Variants in TENM3 observed in about 807,000 individuals in gnomAD.
TENM3 encodes teneurin transmembrane protein 3.
TENM3 carries 63 observed loss-of-function variants against 255.1 expected under a neutral mutation model. The observed-to-expected ratio is 0.25, with a 90% CI of 0.20 to 0.30. The LOEUF is 0.30. Ranked by LOEUF, TENM3 falls within the 10% of genes least tolerant of loss-of-function variation. The pLI, the probability that TENM3 is intolerant of heterozygous loss-of-function variation, is 1.00. For missense variants in TENM3, 2,929 were observed against 3,461.1 expected (o/e 0.85, Z 3.86); for synonymous variants, 1,306 against 1,322.3 (o/e 0.99, Z 0.27).
chr4:182,397,713 G>T (rs974442085), intron 3 of TENM3, among the ~76,000 whole-genome samples: 2 of 152,256 alleles, frequency 1.3e-5, no homozygotes, highest in African/African-American at 2.4e-5. Context: ...TCAACCTTCG[G>T]TGAGCACGGA....
the TENM3 span, among the ~76,000 whole-genome samples, chr4:181,770,058 G>A: frequency 2.0e-5 from 3 of 152,176 alleles, no homozygotes; most frequent in African/African-American, 7.2e-5. Context: ...CGGGGAAGCG[G>A]TAGAACCCGA....
the TENM3 span, among the ~76,000 whole-genome samples, chr4:181,590,063 G>GT: frequency 3.3e-5 from 5 of 152,242 alleles, no homozygotes; most frequent in Admixed American, 3.3e-4. Flanking sequence ...ATAAGAAAGA[G>GT]GTAGTGAGCA....
intron 1 of TENM3, among the ~76,000 whole-genome samples, chr4:182,269,046 G>T (rs1759441334): frequency 6.6e-6 from 1 of 152,098 alleles, no homozygotes; most frequent in African/African-American, 2.4e-5. Flanking sequence ...TGACAAAGAT[G>T]TTGAATATAT....
intron 1 of TENM3, among the ~76,000 whole-genome samples, chr4:182,204,703 T>G (rs543614813): frequency 6.6e-6 from 1 of 152,334 alleles, no homozygotes; most frequent in African/African-American, 2.4e-5. Context: ...TGCAGATTCC[T>G]GATAGCCTTT....
the TENM3 span, among the ~76,000 whole-genome samples, chr4:181,692,464 A>T: frequency 6.6e-6 from 1 of 152,226 alleles, no homozygotes; most frequent in Non-Finnish European, 1.5e-5. Context: ...AACAAGATGC[A>T]TGTAACTGAG....
intron 3 of TENM3, among the ~76,000 whole-genome samples, chr4:182,588,680 T>A (rs1279948691): frequency 6.6e-6 from 1 of 152,132 alleles, no homozygotes; most frequent in African/African-American, 2.4e-5. Context: ...CACTGAGACA[T>A]TTTAAAGGTA....
chr4:182,380,165 C>T (rs189576734), intron 3 of TENM3, among the ~76,000 whole-genome samples: 314 of 152,068 alleles, frequency 2.1e-3, no homozygotes, highest in African/African-American at 7.1e-3. Flanking sequence ...CGGCTACTCT[C>T]GAGGCTGAGG....
At chr4:182,045,422 C>T in the TENM3 span, among the ~76,000 whole-genome samples, 1 of 150,412 alleles carries the variant, frequency 6.6e-6, no homozygotes, top group African/African-American at 2.5e-5. Context: ...GATTAAGAGG[C>T]TAAATAGATT....
the TENM3 span, among the ~76,000 whole-genome samples, chr4:181,473,997 A>T: frequency 6.6e-6 from 1 of 151,820 alleles, no homozygotes; most frequent in Non-Finnish European, 1.5e-5. Context: ...TAAAAATTTT[A>T]AAATACAAAT....
chr4:182,710,043 TG>T (rs1758635873), intron 12 of TENM3, among the ~76,000 whole-genome samples: 1 of 152,218 alleles, frequency 6.6e-6, no homozygotes, highest in Non-Finnish European at 1.5e-5. Context: ...TCTGATTGGC[TG>T]ATTAGAAATA....
the TENM3 span, among the ~76,000 whole-genome samples, chr4:182,068,919 A>G: frequency 6.6e-6 from 1 of 152,136 alleles, no homozygotes; most frequent in Non-Finnish European, 1.5e-5. Context: ...ATCCTAAAAT[A>G]AAGGTAAATC....
chr4:182,259,201 G>A (rs1351891813), intron 1 of TENM3, among the ~76,000 whole-genome samples: 2 of 152,182 alleles, frequency 1.3e-5, no homozygotes, highest in Non-Finnish European at 2.9e-5. Flanking sequence ...GCTAAGGTAA[G>A]CAGATCTGAC....
chr4:182,240,658 G>A (rs965762737), upstream of TENM3, among the ~76,000 whole-genome samples: 2 of 152,120 alleles, frequency 1.3e-5, no homozygotes, highest in Non-Finnish European at 2.9e-5. Context: ...TGCGAGTCCC[G>A]GCCCTGCAGC....
At chr4:181,893,205 T>C in the TENM3 span, among the ~76,000 whole-genome samples, 5 of 152,152 alleles carry the variant, frequency 3.3e-5, no homozygotes, top group Admixed American at 2.0e-4. Context: ...TAAAAATGAA[T>C]TTAAATGACA....
At chr4:181,843,028 G>A in the TENM3 span, among the ~76,000 whole-genome samples, 1 of 151,906 alleles carries the variant, frequency 6.6e-6, no homozygotes, top group Non-Finnish European at 1.5e-5. Flanking sequence ...TCACTTTTAG[G>A]GACTATATTA....
At position 182,347,439 on chromosome 4, in the gene TENM3, T is replaced by TA. The variant is rs1200187405; in HGVS notation, c.511+511dup. On this transcript the variant is annotated intron_variant, in intron 3 of 27. Transcript: ENST00000511685. ...AGGGCTCTAGTGATTGAAGAACAAA[T>TA]ATGATCATGCTTTAAACTTAAGAGT... is the stretch of plus-strand genomic sequence containing the variant. 3.9e-5 allele frequency among the ~76,000 whole-genome samples: 6 copies of TA among 152,324 alleles called. No homozygotes were observed. The East Asian group carries it at 1.2e-3, about 29-fold the overall frequency.
the TENM3 span, among the ~76,000 whole-genome samples, chr4:181,846,096 G>T: frequency 6.6e-6 from 1 of 152,000 alleles, no homozygotes; most frequent in South Asian, 2.1e-4. Flanking sequence ...TTCCTACATG[G>T]TTTTTTAATA....
the TENM3 span, among the ~76,000 whole-genome samples, chr4:182,031,274 C>A: frequency 6.6e-6 from 1 of 152,118 alleles, no homozygotes; most frequent in Non-Finnish European, 1.5e-5. Context: ...CTGCATATGG[C>A]TAGGCAGTTC....
the TENM3 span, among the ~76,000 whole-genome samples, chr4:181,767,006 A>G: frequency 1.3e-5 from 2 of 150,750 alleles, no homozygotes; most frequent in Non-Finnish European, 2.9e-5. Flanking sequence ...TAATCCCAGC[A>G]CTTTGGGAGG....
Sources: allele counts gnomAD v4.1 joint callset (sites outside exome capture counted in the v4.1 genomes callset), GRCh38; gene constraint gnomAD v4.1.1; transcripts MANE v1.5; gene names NCBI Gene and HGNC (gene_info 2026-07-23, HGNC 2026-07-21).